Variants in PDCD6IP observed in about 807,000 individuals in gnomAD.
PDCD6IP encodes the protein programmed cell death 6-interacting protein.
Under a neutral mutation model 103.7 loss-of-function variants are expected in PDCD6IP, and 43 were observed. The observed-to-expected ratio is 0.41, with a 90% CI of 0.32 to 0.53. The LOEUF is 0.53. Ranked by LOEUF, PDCD6IP falls within the 20% of genes least tolerant of loss-of-function variation. The probability of loss-of-function intolerance (pLI) is 0.16; values close to 1 mark genes in which losing one functional copy is unlikely to be tolerated. For missense variants in PDCD6IP, 871 were observed against 1,036.7 expected (o/e 0.84, Z 2.20); for synonymous variants, 354 against 378.7 (o/e 0.93, Z 0.76).
chr3:33,827,495 G>C (rs1456270242), intron 6 of PDCD6IP: 1 of 152,308 alleles, frequency 6.6e-6, no homozygotes, highest in African/African-American at 2.4e-5. Flanking sequence ...GAATTAATGT[G>C]ACGATTCCTG....
intron 12 of PDCD6IP, among the ~76,000 whole-genome samples, chr3:33,848,410 C>CT (rs537896343): frequency 0.11 from 15,353 of 145,612 alleles, 836 homozygotes; most frequent in African/African-American, 0.12. Flanking sequence ...TTCTTTCTTT[C>CT]TTTTTTTTTT....
At position 33,798,633 on chromosome 3, in the gene PDCD6IP, C is replaced by G; in HGVS notation, c.-96C>G. ...GCGGAGCGCAAGTCTGTCAGCCAGTCAGTCCGCCAGTCCGCCAGCCCAGTA... is the reference window on the plus strand; with the variant it reads ...GCGGAGCGCAAGTCTGTCAGCCAGTGAGTCCGCCAGTCCGCCAGCCCAGTA... On this transcript the variant is annotated 5_prime_UTR_variant, in exon 1 of 18. Transcript: ENST00000307296. 8.4e-7 allele frequency: 1 copy of G among 1,183,874 alleles called. No individual in the cohort carries two copies. Among genetic ancestry groups the G allele is most frequent in the Non-Finnish European group, 1.2e-6 (1 of 865,224 alleles). 73.3% of individuals were successfully genotyped at this position (1,183,874 alleles called of 1,614,324 possible).
At chr3:33,810,927 G>C (rs899868030) in intron 1 of PDCD6IP, 2 of 132,424 alleles carry the variant, frequency 1.5e-5, no homozygotes, top group African/African-American at 5.9e-5. Context: ...ACAGGTTCTT[G>C]CCCAGGCTGG....
chr3:33,825,431 C>T (rs1225554180), intron 5 of PDCD6IP, 91 bp downstream of exon 5: 17 of 1,136,266 alleles, frequency 1.5e-5, no homozygotes, highest in South Asian at 5.2e-5. Flanking sequence ...TGTTCAATGT[C>T]GAGCTGTCCT....
intron 3 of PDCD6IP, among the ~76,000 whole-genome samples, chr3:33,818,660 A>G (rs1696919053): frequency 6.6e-6 from 1 of 151,750 alleles, no homozygotes; most frequent in African/African-American, 2.4e-5. Flanking sequence ...CTGGGACTAC[A>G]GGTGTGCGCC....
At chr3:33,821,340 A>G (rs1361491310) in intron 3 of PDCD6IP, among the ~76,000 whole-genome samples, 1 of 152,082 alleles carries the variant, frequency 6.6e-6, no homozygotes, top group African/African-American at 2.4e-5. Context: ...ACAGTACAGG[A>G]AAGTTCCAGT....
rs1698117622 is a variant in PDCD6IP, at chr3:33,868,572, C to G, written c.*2047C>G. On this transcript the variant is annotated 3_prime_UTR_variant, in exon 18 of 18. Transcript: ENST00000307296. ...AAACCCTTTCCCTCTTGTCAGTTCA[C>G]TCATCCTTTGGTTTCTTTTTAATCA... 1 of 152,476 alleles carries G rather than the reference C, an allele frequency of 6.6e-6. No individual in the cohort carries two copies. The highest frequency in any genetic ancestry group is 1.5e-5 in the Non-Finnish European group (1 of 68,064). The allele number at this position is 152,476 out of a possible 1,614,324, so 9.4% of individuals were successfully genotyped here. A position where few individuals can be genotyped will look rare whatever the true frequency, so the allele number is the denominator to read the frequency against.
rs543509504 is a variant in PDCD6IP, at chr3:33,861,098, G to A, written c.2121-2908G>A. On this transcript the variant is annotated intron_variant, in intron 15 of 17. Coordinates refer to ENST00000307296, the MANE Select transcript of PDCD6IP (RefSeq NM_013374.6). ...ATATAATCAATGTAAAATTACAAAT[G>A]AGAGATATTTTACTTTTTTTCACAC... Among the ~76,000 whole-genome samples, 22 of 149,962 alleles carry A rather than the reference G, an allele frequency of 1.5e-4. No homozygotes were observed. The East Asian group carries it at 4.1e-3, about 28-fold the overall frequency.
chr3:33,820,368 CT>C (rs1696962539), intron 3 of PDCD6IP, among the ~76,000 whole-genome samples: 1 of 152,104 alleles, frequency 6.6e-6, no homozygotes. Flanking sequence ...CTGAATTAAA[CT>C]GTAGGTACCT....
intron 2 of PDCD6IP, among the ~76,000 whole-genome samples, chr3:33,812,929 G>A (rs1696750869): frequency 1.3e-5 from 2 of 151,954 alleles, no homozygotes; most frequent in African/African-American, 2.4e-5. Flanking sequence ...AGAAATTTTT[G>A]TATTAGATTG....
chr3:33,861,617 T>G (rs916699477), intron 15 of PDCD6IP, among the ~76,000 whole-genome samples: 3 of 152,224 alleles, frequency 2.0e-5, no homozygotes, highest in Admixed American at 2.0e-4. Context: ...GTATGCTCAG[T>G]TGATATTGTC....
intron 3 of PDCD6IP, among the ~76,000 whole-genome samples, chr3:33,819,231 C>T (rs983421149): frequency 1.3e-5 from 2 of 151,618 alleles, no homozygotes; most frequent in East Asian, 1.9e-4. Flanking sequence ...TTCCTTCCTC[C>T]GCCCTTAAAA....
chr3:33,847,378 G>A (rs534763486), intron 12 of PDCD6IP, among the ~76,000 whole-genome samples: 2 of 152,262 alleles, frequency 1.3e-5, no homozygotes, highest in African/African-American at 2.4e-5. Context: ...TAGTCAATAC[G>A]AAGTAATTTT....
chr3:33,826,638 T>C, intron 6 of PDCD6IP, 58 bp downstream of exon 6: 1 of 1,599,868 alleles, frequency 6.3e-7, no homozygotes, highest in Admixed American at 1.7e-5. Flanking sequence ...TTTAGACTTT[T>C]TTGTGTATAA....
rs553928351 is a variant in PDCD6IP, at chr3:33,858,611, C to T, written c.2120+3351C>T. On this transcript the variant is annotated intron_variant, in intron 15 of 17. Transcript: ENST00000307296. Reference sequence around the variant, plus strand: ...GGATCACGAGGTCAGGAGATCGAGACCATCCTGGCTAACACGGTGAAACCC... The same window carrying T: ...GGATCACGAGGTCAGGAGATCGAGATCATCCTGGCTAACACGGTGAAACCC... 2.6e-5 allele frequency among the ~76,000 whole-genome samples: 4 copies of T among 152,218 alleles called. No homozygotes were observed. In the East Asian group the frequency reaches 7.7e-4, roughly 29 times the overall value.
chr3:33,865,127 T>TA (rs1017939854), intron 16 of PDCD6IP, 116 bp from the exon 17 acceptor site: 2 of 648,666 alleles, frequency 3.1e-6, no homozygotes, highest in Admixed American at 4.1e-5. Flanking sequence ...GAATGGGAAT[T>TA]AAAAATATAT....
At chr3:33,826,709 G>GTAGAA in intron 6 of PDCD6IP, 129 bp downstream of exon 6, 7 of 1,343,022 alleles carry the variant, frequency 5.2e-6, no homozygotes, top group Non-Finnish European at 6.8e-6. Flanking sequence ...GAAGTATATA[G>GTAGAA]TAGAAATAGT....
At chr3:33,815,408 A>G (rs1055213170) in intron 3 of PDCD6IP, among the ~76,000 whole-genome samples, 10 of 152,190 alleles carry the variant, frequency 6.6e-5, no homozygotes, top group African/African-American at 1.7e-4. Flanking sequence ...GAATTCTCCA[A>G]TAGCTTAATG....
chr3:33,851,760 T>C (rs1697719646), intron 12 of PDCD6IP, among the ~76,000 whole-genome samples: 1 of 152,134 alleles, frequency 6.6e-6, no homozygotes, highest in Non-Finnish European at 1.5e-5. Flanking sequence ...ACATCTGGCC[T>C]AAAACTCTTA....
Sources: gnomAD v4.1 joint callset for allele counts (sites outside exome capture counted in the v4.1 genomes callset) on GRCh38, gnomAD v4.1.1 for gene constraint, MANE v1.5 for transcripts, NCBI Gene and HGNC (gene_info 2026-07-23, HGNC 2026-07-21) for gene names.